The following RARRES1 variants were observed in gnomAD, a reference collection of about 807,000 sequenced individuals.
RARRES1 encodes the protein retinoic acid receptor responder 1.
Under a neutral mutation model 30.6 loss-of-function variants are expected in RARRES1, and 34 were observed. The ratio of observed to expected loss-of-function variants is 1.11; its 90% CI spans 0.84 to 1.48. The LOEUF is 1.48. RARRES1 is among the 40% of genes most tolerant of loss of function. The pLI is 0.00. For missense variants in RARRES1, 373 were observed against 386.5 expected, an observed-to-expected ratio of 0.97 and a Z score of 0.29; for synonymous variants, 153 against 155.5, an observed-to-expected ratio of 0.98 and a Z score of 0.12.
In RARRES1 at chr3:158,697,786, G is replaced by A; in HGVS notation, c.777C>T (p.Gly259=). 2 of 1,611,430 alleles carry A rather than the reference G, an allele frequency of 1.2e-6. No individual in the cohort carries two copies. Among genetic ancestry groups the A allele is most frequent in the Admixed American group, 3.3e-5 (2 of 60,000 alleles). The change falls in exon 6 of 6, where the codon GGC becomes GGT. Residue 259 remains glycine (G), a synonymous_variant. Coordinates refer to ENST00000237696, the MANE Select transcript of RARRES1 (RefSeq NM_206963.2). ...PCRIHLVWYP[G]KPLKVKYHCQ... ...AGTGGTACTTCACTTTAAGAGGTTTGCCAGGGTACCAGACCAAGTGAATGC... is the reference window on the plus strand; with the variant it reads ...AGTGGTACTTCACTTTAAGAGGTTTACCAGGGTACCAGACCAAGTGAATGC...
intron 1 of RARRES1, among the ~76,000 whole-genome samples, chr3:158,717,990 T>TTTC (rs1727379399): frequency 6.6e-6 from 1 of 151,666 alleles, no homozygotes; most frequent in Non-Finnish European, 1.5e-5. Flanking sequence ...AATTTTTTTT[T>TTTC]TTTTTTGAGA....
chr3:158,701,162 C>T (rs1281778828), intron 4 of RARRES1, among the ~76,000 whole-genome samples: 1 of 152,096 alleles, frequency 6.6e-6, no homozygotes, highest in African/African-American at 2.4e-5. Context: ...AGAGTTAGAA[C>T]AATACTCAGC....
At chr3:158,706,556 G>T (rs2108134608) in intron 3 of RARRES1, among the ~76,000 whole-genome samples, 1 of 152,334 alleles carries the variant, frequency 6.6e-6, no homozygotes, top group East Asian at 1.9e-4. Flanking sequence ...AGTAGTAAGT[G>T]TGGAAGATGA....
chr3:158,704,625 C>CA (rs1726851980), intron 4 of RARRES1, 166 bp downstream of exon 4: 9 of 1,122,538 alleles, frequency 8.0e-6, no homozygotes, highest in Non-Finnish European at 1.1e-5. Context: ...ACTGTATCCC[C>CA]AGCCCCTGAA....
At position 158,704,800 on chromosome 3, in the gene RARRES1, C is replaced by T. The variant is rs1726859838; in HGVS notation, c.663G>A (p.Val221=). 6.2e-7 allele frequency: 1 copy of T among 1,612,606 alleles called. No individual in the cohort carries two copies. Among genetic ancestry groups the T allele is most frequent in the Non-Finnish European group, 8.5e-7 (1 of 1,179,590 alleles). Residue 221 remains valine (V), a synonymous_variant, in exon 4 of 6, where the codon GTG becomes GTA. Transcript: ENST00000237696. Reference sequence around the variant, plus strand: ...TTCAGGTTTTTCTTACCCACTGCCTCACACTAGTGAGCTGTGCCAAGTAGT... The same window carrying T: ...TTCAGGTTTTTCTTACCCACTGCCTTACACTAGTGAGCTGTGCCAAGTAGT... The part of the protein sequence containing the change: ...SHYYLAQLTS[V]RQWKTNDDTI...
chr3:158,704,374 G>A (rs1029295276), intron 4 of RARRES1, among the ~76,000 whole-genome samples: 3 of 151,942 alleles, frequency 2.0e-5, no homozygotes, highest in African/African-American at 7.2e-5. Flanking sequence ...TGGGACTATA[G>A]GCATGTGCCA....
rs1727100276 is a variant in RARRES1, at chr3:158,710,815, T to G, written c.458A>C (p.Lys153Thr). The part of the protein sequence containing the change: ...VTCTRLIEKK[K>T]RQQEDYLLYK... ...AAGCAGGTAATCCTCTTGTTGTCTTTTCTTTTTCTCGATGAGCCGTGTACA... is the reference window on the plus strand; with the variant it reads ...AAGCAGGTAATCCTCTTGTTGTCTTGTCTTTTTCTCGATGAGCCGTGTACA... Residue 153 changes from lysine (K) to threonine (T), a missense_variant, in exon 3 of 6, where the codon AAA becomes ACA. Transcript: ENST00000237696. 3.7e-6 allele frequency: 6 copies of G among 1,613,962 alleles called. No individual in the cohort carries two copies. Among genetic ancestry groups the G allele is most frequent in the South Asian group, 3.3e-5 (3 of 91,074 alleles).
intron 2 of RARRES1, among the ~76,000 whole-genome samples, chr3:158,712,356 C>A (rs1156904321): frequency 6.6e-6 from 1 of 152,074 alleles, no homozygotes; most frequent in African/African-American, 2.4e-5. Context: ...ATCGCACTTC[C>A]CTCCAGCCAG....
At position 158,732,274 on chromosome 3, in the gene RARRES1, G is replaced by T; in HGVS notation, c.142C>A (p.Gln48Lys). 1.5e-6 allele frequency: 2 copies of T among 1,354,884 alleles called. No homozygotes were observed. Among genetic ancestry groups the T allele is most frequent in the Non-Finnish European group, 1.9e-6 (2 of 1,063,922 alleles). 83.9% of individuals were successfully genotyped at this position (1,354,884 alleles called of 1,614,324 possible). A position where few individuals can be genotyped will look rare whatever the true frequency, so the allele number is the denominator to read the frequency against. The part of the protein sequence containing the change: ...AGSGDPDDPG[Q>K]PQDAGVPRRL... The stretch of plus-strand genomic sequence containing the variant: ...CGCGGGACCCCAGCATCCTGAGGCT[G>T]CCCAGGGTCGTCGGGGTCCCCGGAC... Residue 48 changes from glutamine to lysine, a missense_variant, in exon 1 of 6, where the codon CAG becomes AAG. Gln to Lys is a moderately conservative substitution (Grantham distance 53, BLOSUM62 1). Coordinates refer to ENST00000237696, the MANE Select transcript of RARRES1 (RefSeq NM_206963.2).
At chr3:158,713,281 C>T (rs1548013) in intron 2 of RARRES1, among the ~76,000 whole-genome samples, 19,749 of 152,106 alleles carry the variant, frequency 0.13, 1,477 homozygotes, top group South Asian at 0.22. Flanking sequence ...AAACAGGGAA[C>T]AGGAAACTTG....
chr3:158,727,633 C>A (rs1239262872), intron 1 of RARRES1, among the ~76,000 whole-genome samples: 4 of 152,240 alleles, frequency 2.6e-5, no homozygotes, highest in Non-Finnish European at 4.4e-5. Flanking sequence ...TGGGGATGAT[C>A]CAGGAAACCC....
intron 3 of RARRES1, among the ~76,000 whole-genome samples, chr3:158,709,692 G>C (rs1048375458): frequency 2.6e-5 from 4 of 152,222 alleles, no homozygotes; most frequent in Non-Finnish European, 5.9e-5. Context: ...GGGCAAATGA[G>C]TGAACTGTGG....
intron 1 of RARRES1, 77 bp downstream of exon 1, chr3:158,732,063 C>A: frequency 1.6e-6 from 2 of 1,234,056 alleles, no homozygotes; most frequent in Non-Finnish European, 1.0e-6. Flanking sequence ...CCGGCAGGCG[C>A]GCGTACCCAG....
Position 158,723,667 on chromosome 3 carries a change from C to T in RARRES1, c.276+8473G>A, listed in dbSNP as rs1464915025. Among the ~76,000 whole-genome samples, 1 of 152,186 alleles carries T rather than the reference C, an allele frequency of 6.6e-6. No individual in the cohort carries two copies. Among genetic ancestry groups the T allele is most frequent in the Non-Finnish European group, 1.5e-5 (1 of 68,026 alleles). ...CTCTCTCTCAGCCAACCCTGGGTCC[C>T]ACGTTCTTGATTTGGGGTAGGAAGC... On this transcript the variant is annotated intron_variant, in intron 1 of 5. Transcript: ENST00000237696. This position sits in a 1 kb window ranked among gnomAD's most constrained non-coding sequence, Gnocchi z 4.4.
chr3:158,728,536 G>GTTTTTTTTTTTTTTTTTTTTTTTT (rs1553746148), intron 1 of RARRES1, among the ~76,000 whole-genome samples: 1 of 141,690 alleles, frequency 7.1e-6, no homozygotes. Context: ...TTTTTTTTTG[G>GTTTTTTTTTTTTTTTTTTTTTTTT]TTTTTGAGAC....
intron 1 of RARRES1, among the ~76,000 whole-genome samples, chr3:158,720,793 A>G (rs1222378926): frequency 6.6e-6 from 1 of 152,126 alleles, no homozygotes; most frequent in African/African-American, 2.4e-5. Context: ...GTCTGTTTGC[A>G]TATCCACATG....
chr3:158,704,020 T>G (rs6763412), intron 4 of RARRES1, among the ~76,000 whole-genome samples: 61,773 of 151,788 alleles, frequency 0.41, 13,522 homozygotes, highest in African/African-American at 0.57. Context: ...AATCGGTAAA[T>G]GAAAACTGTG....
intron 2 of RARRES1, among the ~76,000 whole-genome samples, chr3:158,711,468 G>T (rs975034957): frequency 1.3e-5 from 2 of 152,100 alleles, no homozygotes; most frequent in African/African-American, 4.8e-5. Context: ...TTCTAACACC[G>T]AAGCCCAGGC....
At chr3:158,706,685 GA>G (rs1217992075) in intron 3 of RARRES1, among the ~76,000 whole-genome samples, 1 of 152,176 alleles carries the variant, frequency 6.6e-6, no homozygotes, top group African/African-American at 2.4e-5. Context: ...GGCTTGATAG[GA>G]AATGGCAAGT....
Sources: gnomAD v4.1 joint callset for allele counts (sites outside exome capture counted in the v4.1 genomes callset) on GRCh38, gnomAD v4.1.1 for gene constraint, Gnocchi (gnomAD v3.1) non-coding constraint, MANE v1.5 for transcripts, NCBI Gene and HGNC (gene_info 2026-07-23, HGNC 2026-07-21) for gene names.